ZNF589: variants seen among roughly 807,000 people sequenced by gnomAD.
ZNF589 encodes KRAB-zinc finger protein SZF1-1.
Under a neutral mutation model 13.6 loss-of-function variants are expected in ZNF589, and 17 were observed. That is an observed-to-expected ratio of 1.25 (90% CI 0.86 to 1.88). ZNF589 has a LOEUF of 1.88. Ranked by LOEUF, ZNF589 falls within the 40% of genes most tolerant of loss-of-function variation. The pLI is 0.00. For missense variants in ZNF589, 407 were observed against 434.0 expected (o/e 0.94, Z 0.55); for synonymous variants, 148 against 161.6 (o/e 0.92, Z 0.64).
chr3:48,261,170 A>G (rs1186132492), intron 3 of ZNF589, among the ~76,000 whole-genome samples: 1 of 152,208 alleles, frequency 6.6e-6, no homozygotes. Context: ...TAGCTAAAAA[A>G]AAATGTATAA....
intron 3 of ZNF589, among the ~76,000 whole-genome samples, chr3:48,263,406 G>A (rs1290130714): frequency 6.6e-6 from 1 of 151,926 alleles, no homozygotes; most frequent in Admixed American, 6.6e-5. Flanking sequence ...CGCCACGCCC[G>A]GCTCCTTTCT....
intron 3 of ZNF589, among the ~76,000 whole-genome samples, chr3:48,267,579 T>A (rs1187468345): frequency 1.3e-5 from 2 of 152,128 alleles, no homozygotes; most frequent in Non-Finnish European, 2.9e-5. Context: ...GTATTTTTAG[T>A]AGAGACAGGG....
chr3:48,265,288 T>C (rs2034008333), intron 3 of ZNF589, among the ~76,000 whole-genome samples: 2 of 128,266 alleles, frequency 1.6e-5, no homozygotes, highest in African/African-American at 3.0e-5. Context: ...TTTTTTTTTT[T>C]TTTTTTTTTT....
At chr3:48,256,952 C>A in intron 2 of ZNF589, 1 of 641,450 alleles carries the variant, frequency 1.6e-6, no homozygotes. Flanking sequence ...GAAAAACCAA[C>A]CCTGACCTCC....
In ZNF589 at chr3:48,268,249, G is replaced by T. The variant is rs1327091043; in HGVS notation, c.558G>T (p.Glu186Asp). The T allele has an allele frequency of 1.2e-6, 2 of 1,606,582 alleles. No homozygotes were observed. Among genetic ancestry groups the T allele is most frequent in the Non-Finnish European group, 1.7e-6 (2 of 1,175,978 alleles). The change falls in exon 4 of 4, where the codon GAG (glutamate) becomes GAT (aspartate). Residue 186 changes from glutamate to aspartate, a missense_variant. Glu to Asp is a conservative substitution (Grantham distance 45). Transcript: ENST00000354698. ...CTTGGGGAGGCAACAGAATATTAGA[G>T]ATACAGCTCAGTCCAGCCCAGAATG... Reference protein sequence around the residue: ...ISSWGGNRILEIQLSPAQNAS... With the variant: ...ISSWGGNRILDIQLSPAQNAS...
chr3:48,250,019 T>C lies in ZNF589; in HGVS notation c.96+2342T>C, dbSNP rs2033819805. 2.0e-5 allele frequency among the ~76,000 whole-genome samples: 3 copies of C among 151,512 alleles called. No individual in the cohort carries two copies. The South Asian group carries it at 6.3e-4, about 32-fold the overall frequency. On this transcript the variant is annotated intron_variant, in intron 2 of 3. Transcript: ENST00000354698. ...GGCGGGTGCCTATAATCCCAGTTACTCAGGAGGCTGAGGCAGGAGAATTAC... is the reference window on the plus strand; with the variant it reads ...GGCGGGTGCCTATAATCCCAGTTACCCAGGAGGCTGAGGCAGGAGAATTAC...
Position 48,267,901 on chromosome 3 carries a change from CTT to C in ZNF589, c.224-12_224-11del. ...TTCCTATGACTCTTCTGACTGGAAACTTTCTTTCTTCAGCAGAATCAAAGCCA... is the reference window on the plus strand; with the variant it reads ...TTCCTATGACTCTTCTGACTGGAAACTCTTTCTTCAGCAGAATCAAAGCCA... On this transcript the variant is annotated splice_polypyrimidine_tract_variant and intron_variant, in intron 3 of 3. Coordinates refer to ENST00000354698, the MANE Select transcript of ZNF589 (RefSeq NM_016089.3). 4 of 1,592,374 alleles carry C rather than the reference CTT, an allele frequency of 2.5e-6. No individual in the cohort carries two copies. Among genetic ancestry groups the C allele is most frequent in the South Asian group, 1.1e-5 (1 of 89,234 alleles).
rs143613520 is a variant in ZNF589, at chr3:48,269,095, A to G, written c.*309A>G. Reference sequence around the variant, plus strand: ...ATGGACACTGGAGGACACACACGGGAGAGAAGCCTTACACGTGCTTTGAGT... The same window carrying G: ...ATGGACACTGGAGGACACACACGGGGGAGAAGCCTTACACGTGCTTTGAGT... On this transcript the variant is annotated 3_prime_UTR_variant, in exon 4 of 4. Coordinates refer to ENST00000354698, the MANE Select transcript of ZNF589 (RefSeq NM_016089.3). 22 of 654,462 alleles carry G rather than the reference A, an allele frequency of 3.4e-5. No homozygotes were observed. The African/African-American group carries it at 3.7e-4, about 11-fold the overall frequency. 40.5% of individuals were successfully genotyped at this position (654,462 alleles called of 1,614,324 possible).
intron 1 of ZNF589, among the ~76,000 whole-genome samples, chr3:48,241,423 C>T (rs1374852205): frequency 6.6e-6 from 1 of 152,272 alleles, no homozygotes; most frequent in Non-Finnish European, 1.5e-5. Context: ...CACGACTCTT[C>T]ACCGGGCATC....
Position 48,268,718 on chromosome 3 carries a change from GAA to G in ZNF589, c.1030_1031del (p.Lys344ValfsTer5). Reference sequence around the variant, plus strand: ...CACAGTGTGTGGGCGAGGCTTTCGTGAAAAGTCAGAGCTCATTAAGCACCAGA... The same window carrying G: ...CACAGTGTGTGGGCGAGGCTTTCGTGAAGTCAGAGCTCATTAAGCACCAGA... Reference protein sequence around the residue: ...MCTVCGRGFREKSELIKHQRI... With the variant: ...MCTVCGRGFRXKSELIKHQRI... On this transcript the variant is annotated frameshift_variant, in exon 4 of 4. Coordinates refer to ENST00000354698, the MANE Select transcript of ZNF589 (RefSeq NM_016089.3). LOFTEE classifies it low-confidence loss of function (END_TRUNC). 1 of 1,614,066 alleles carries G rather than the reference GAA, an allele frequency of 6.2e-7. No individual in the cohort carries two copies.
At chr3:48,242,175 A>G (rs985485622) in intron 1 of ZNF589, among the ~76,000 whole-genome samples, 4 of 151,196 alleles carry the variant, frequency 2.6e-5, no homozygotes, top group Non-Finnish European at 5.9e-5. Flanking sequence ...GCAGTGGGCG[A>G]TCTCTGCTCA....
chr3:48,261,599 A>G (rs2033969997), intron 3 of ZNF589, among the ~76,000 whole-genome samples: 1 of 152,258 alleles, frequency 6.6e-6, no homozygotes. Flanking sequence ...TAAAAACTAA[A>G]ACTGATTACT....
chr3:48,255,374 C>T (rs1234040780), intron 2 of ZNF589, among the ~76,000 whole-genome samples: 3 of 151,636 alleles, frequency 2.0e-5, no homozygotes, highest in Admixed American at 6.6e-5. Flanking sequence ...CGGGGTTTCA[C>T]CATGTTGGCC....
rs758927114 is a variant in ZNF589 at position 48,268,362 on chromosome 3, T to C, written c.671T>C (p.Phe224Ser). 2.5e-6 allele frequency: 4 copies of C among 1,614,046 alleles called. No individual in the cohort carries two copies. The highest frequency in any genetic ancestry group is 2.7e-5 in the African/African-American group (2 of 74,916). ...AVTFGECALA[F>S]NQKSNLFRQK... The stretch of plus-strand genomic sequence containing the variant: ...ACGTTTGGGGAGTGTGCACTAGCTT[T>C]TAACCAGAAGTCAAACCTGTTCAGA... Residue 224 changes from phenylalanine to serine, a missense_variant, in exon 4 of 4, where the codon TTT (phenylalanine) becomes TCT (serine). Physicochemically the swap from Phe to Ser is radical, Grantham distance 155 (BLOSUM62 -2). Transcript: ENST00000354698.
intron 2 of ZNF589, among the ~76,000 whole-genome samples, chr3:48,259,192 G>A (rs900978365): frequency 1.3e-5 from 2 of 152,104 alleles, no homozygotes; most frequent in African/African-American, 2.4e-5. Flanking sequence ...ACTGTGCCAC[G>A]CGGCCTGACT....
chr3:48,256,296 T>TCCTACTC, intron 2 of ZNF589: 1 of 453,010 alleles, frequency 2.2e-6, no homozygotes, highest in East Asian at 5.7e-5. Context: ...TGAGTACGCC[T>TCCTACTC]CCTACTCCAC....
Position 48,268,970 on chromosome 3 carries a change from C to T in ZNF589, c.*184C>T. On this transcript the variant is annotated 3_prime_UTR_variant, in exon 4 of 4. Coordinates refer to ENST00000354698, the MANE Select transcript of ZNF589 (RefSeq NM_016089.3). ...TGAGGAGTGTGGGCATGGATTTAGC[C>T]AGAAGTCGTCGCTCAAATCACATCG... is the stretch of plus-strand genomic sequence containing the variant. The T allele has an allele frequency of 1.1e-6, 1 of 904,020 alleles. No individual in the cohort carries two copies. Among genetic ancestry groups the T allele is most frequent in the Non-Finnish European group, 1.7e-6 (1 of 592,956 alleles). The allele number at this position is 904,020 out of a possible 1,614,324, so 56.0% of individuals were successfully genotyped here.
intron 2 of ZNF589, among the ~76,000 whole-genome samples, chr3:48,251,032 T>G (rs1383653130): frequency 6.6e-6 from 1 of 152,192 alleles, no homozygotes; most frequent in Non-Finnish European, 1.5e-5. Context: ...ATTGCAGGTG[T>G]GAGCCACCGT....
intron 1 of ZNF589, among the ~76,000 whole-genome samples, chr3:48,242,708 A>G (rs530920977): frequency 1.3e-4 from 20 of 152,332 alleles, no homozygotes; most frequent in Admixed American, 8.5e-4. Flanking sequence ...AAAGCAGCCA[A>G]AGACCATAGG....
Sources: gnomAD v4.1 joint callset for allele counts (sites outside exome capture counted in the v4.1 genomes callset) on GRCh38, gnomAD v4.1.1 for gene constraint, MANE v1.5 for transcripts, NCBI Gene and HGNC (gene_info 2026-07-23, HGNC 2026-07-21) for gene names.